OPCML: variants seen among roughly 807,000 people sequenced by gnomAD.
OPCML encodes the protein opioid-binding protein/cell adhesion molecule.
Under a neutral mutation model 37.8 loss-of-function variants are expected in OPCML, and 13 were observed. That is an observed-to-expected ratio of 0.34 (90% CI 0.22 to 0.55). The LOEUF is 0.55. OPCML is among the 20% of genes least tolerant of loss of function. The pLI is 0.91. For synonymous variants in OPCML, 176 were observed against 168.8 expected (o/e 1.04, Z -0.33); for missense variants, 341 against 435.6 (o/e 0.78, Z 1.93).
At chr11:133,164,643 G>T (rs1353215762) in intron 1 of OPCML, among the ~76,000 whole-genome samples, 2 of 152,226 alleles carry the variant, frequency 1.3e-5, no homozygotes, top group Non-Finnish European at 2.9e-5. Flanking sequence ...ACAGAGCCCA[G>T]GAGCTGGTAT....
intron 1 of OPCML, among the ~76,000 whole-genome samples, chr11:133,113,197 T>C (rs1238956151): frequency 3.3e-5 from 5 of 152,232 alleles, no homozygotes; most frequent in Admixed American, 1.3e-4. Flanking sequence ...ATAAAATTTT[T>C]TCCATCTCTT....
At position 132,545,521 on chromosome 11, in the gene OPCML, T is replaced by C. The variant is rs532060862; in HGVS notation, c.380-16335A>G. Among the ~76,000 whole-genome samples the C allele has an allele frequency of 5.9e-5, 9 of 152,338 alleles. No individual in the cohort carries two copies. In the South Asian group the frequency reaches 1.4e-3, roughly 25 times the overall value. ...TTAATCTTTTCAAAAGTTGATACAT[T>C]AACATAATTCAAACACCAATCTACT... On this transcript the variant is annotated intron_variant, in intron 3 of 7. Transcript: ENST00000524381.
chr11:133,357,863 C>CCAT (rs1348357930), intron 1 of OPCML, among the ~76,000 whole-genome samples: 2 of 152,178 alleles, frequency 1.3e-5, no homozygotes, highest in Non-Finnish European at 2.9e-5. Flanking sequence ...TTCAAAACAA[C>CCAT]CATCACAATC....
intron 1 of OPCML, among the ~76,000 whole-genome samples, chr11:133,273,425 G>A (rs1176132729): frequency 6.6e-6 from 1 of 152,062 alleles, no homozygotes; most frequent in African/African-American, 2.4e-5. Context: ...GCATCCTGAG[G>A]AGCTGAGGAA....
intron 1 of OPCML, among the ~76,000 whole-genome samples, chr11:133,518,797 G>T (rs1282290066): frequency 1.3e-5 from 2 of 151,802 alleles, no homozygotes; most frequent in Non-Finnish European, 2.9e-5. Flanking sequence ...GTCCTGGTGT[G>T]TTGGGGGCTG....
At chr11:132,951,848 T>C (rs1258576071) in intron 1 of OPCML, among the ~76,000 whole-genome samples, 2 of 152,228 alleles carry the variant, frequency 1.3e-5, no homozygotes, top group Non-Finnish European at 2.9e-5. Flanking sequence ...AATTAGAAGT[T>C]GCCTAAAAAT....
chr11:132,497,513 G>A (rs1001168709), intron 4 of OPCML, among the ~76,000 whole-genome samples: 2 of 152,046 alleles, frequency 1.3e-5, no homozygotes, highest in African/African-American at 2.4e-5. Context: ...TTTTATGGGC[G>A]GTGATCAGAA....
At chr11:133,496,729 C>T (rs1591566313) in intron 1 of OPCML, among the ~76,000 whole-genome samples, 1 of 152,294 alleles carries the variant, frequency 6.6e-6, no homozygotes, top group East Asian at 1.9e-4. Flanking sequence ...AGAAGAGCTA[C>T]TGATTTGTGT....
chr11:133,292,435 C>T (rs185504118), intron 1 of OPCML, among the ~76,000 whole-genome samples: 3 of 152,172 alleles, frequency 2.0e-5, no homozygotes, highest in African/African-American at 4.8e-5. Context: ...AGTAGCTATG[C>T]GGCGATCCCT....
chr11:132,745,018 G>A (rs1404866081), intron 2 of OPCML, among the ~76,000 whole-genome samples: 1 of 151,610 alleles, frequency 6.6e-6, no homozygotes, highest in Non-Finnish European at 1.5e-5. Context: ...CCACACCCCT[G>A]GGAGAAATGT....
At chr11:132,977,198 A>G (rs1311888654) in intron 1 of OPCML, among the ~76,000 whole-genome samples, 1 of 152,188 alleles carries the variant, frequency 6.6e-6, no homozygotes, top group Non-Finnish European at 1.5e-5. Flanking sequence ...TTCAATGGAT[A>G]TTAGATATTT....
intron 2 of OPCML, among the ~76,000 whole-genome samples, chr11:132,775,995 G>A (rs1171287226): frequency 1.3e-5 from 2 of 152,106 alleles, no homozygotes; most frequent in East Asian, 3.9e-4. Context: ...GCAGTGGTGC[G>A]ATCTCATCAC....
intron 1 of OPCML, among the ~76,000 whole-genome samples, chr11:133,087,197 AT>A (rs1164844887): frequency 1.3e-5 from 2 of 152,214 alleles, no homozygotes; most frequent in Non-Finnish European, 2.9e-5. Flanking sequence ...CTCTTTCAAC[AT>A]TATCGTTATA....
At chr11:132,992,875 T>C (rs560281566) in intron 1 of OPCML, among the ~76,000 whole-genome samples, 38 of 152,344 alleles carry the variant, frequency 2.5e-4, no homozygotes, top group Admixed American at 3.3e-4. Context: ...ATTATTGGAA[T>C]GGCTGTTTGT....
chr11:133,152,495 T>C (rs1327487181), intron 1 of OPCML, among the ~76,000 whole-genome samples: 1 of 152,082 alleles, frequency 6.6e-6, no homozygotes, highest in Admixed American at 6.5e-5. Context: ...GCCTCTTTCA[T>C]ACCTCTTGCA....
intron 2 of OPCML, among the ~76,000 whole-genome samples, chr11:132,779,716 C>A (rs947189044): frequency 1.3e-5 from 2 of 152,010 alleles, no homozygotes; most frequent in South Asian, 4.2e-4. Flanking sequence ...TTAATGAGGT[C>A]GGAGCTCCAG....
At chr11:132,644,059 C>T (rs1036241091) in intron 3 of OPCML, among the ~76,000 whole-genome samples, 2 of 152,184 alleles carry the variant, frequency 1.3e-5, no homozygotes, top group African/African-American at 4.8e-5. Context: ...ATTTCTGGGA[C>T]ACAGAATAAT....
At chr11:133,271,737 A>T (rs1941841762) in intron 1 of OPCML, among the ~76,000 whole-genome samples, 1 of 152,214 alleles carries the variant, frequency 6.6e-6, no homozygotes, top group Non-Finnish European at 1.5e-5. Flanking sequence ...CTACAAATAT[A>T]AAATTGCCAC....
At chr11:132,547,814 A>G (rs1467230491) in intron 3 of OPCML, among the ~76,000 whole-genome samples, 2 of 152,128 alleles carry the variant, frequency 1.3e-5, no homozygotes, top group Admixed American at 1.3e-4. Context: ...CATCATGTTT[A>G]TCCTTGAACA....
Sources: gnomAD v4.1 joint callset for allele counts (sites outside exome capture counted in the v4.1 genomes callset) on GRCh38, gnomAD v4.1.1 for gene constraint, MANE v1.5 for transcripts, NCBI Gene and HGNC (gene_info 2026-07-23, HGNC 2026-07-21) for gene names.